LAMB1: variants seen among roughly 807,000 people sequenced by gnomAD.
The protein encoded by LAMB1 is laminin subunit beta-1.
Under a neutral mutation model 222.3 loss-of-function variants are expected in LAMB1, and 121 were observed. The observed-to-expected ratio is 0.54, with a 90% confidence interval of 0.47 to 0.63. LAMB1 has a LOEUF of 0.63. Among genes scored for constraint, LAMB1 ranks in the 30% least tolerant of loss-of-function variants. The pLI, the probability that LAMB1 is intolerant of heterozygous loss-of-function variation, is 0.00. For synonymous variants in LAMB1, 794 were observed against 807.2 expected (o/e 0.98, Z 0.28); for missense variants, 2,172 against 2,240.8 (o/e 0.97, Z 0.62).
At chr7:107,938,720 A>G (rs2032908944) in intron 25 of LAMB1, among the ~76,000 whole-genome samples, 1 of 152,166 alleles carries the variant, frequency 6.6e-6, no homozygotes, top group African/African-American at 2.4e-5. Context: ...CGGCCTGCCA[A>G]AACTGTGATC....
intron 16 of LAMB1, 53 bp from the exon 17 acceptor site, chr7:107,961,382 CA>C (rs1562991037): frequency 6.3e-7 from 1 of 1,595,082 alleles, no homozygotes; most frequent in Non-Finnish European, 8.5e-7. Context: ...TTCATGCATC[CA>C]AAAAATAAAA....
chr7:107,972,879 T>A, intron 13 of LAMB1, 113 bp downstream of exon 13: 1 of 830,882 alleles, frequency 1.2e-6, no homozygotes, highest in Non-Finnish European at 2.1e-6. Context: ...TATCAAGACA[T>A]ACAAAAAATA....
At chr7:107,978,368 G>C (rs2033909174) in intron 8 of LAMB1, among the ~76,000 whole-genome samples, 1 of 150,810 alleles carries the variant, frequency 6.6e-6, no homozygotes, top group Non-Finnish European at 1.5e-5. Flanking sequence ...CTCATCTCTA[G>C]AATGTTCCTA....
At chr7:107,978,190 G>A (rs749418218) in intron 8 of LAMB1, 23 bp from the exon 9 acceptor site, 6 of 1,610,808 alleles carry the variant, frequency 3.7e-6, no homozygotes, top group Non-Finnish European at 5.1e-6. Context: ...AAAAACAGGA[G>A]AGAACAAAGG....
intron 20 of LAMB1, among the ~76,000 whole-genome samples, chr7:107,956,350 C>A (rs2033376229): frequency 6.6e-6 from 1 of 152,248 alleles, no homozygotes; most frequent in Non-Finnish European, 1.5e-5. Flanking sequence ...GCTTCAATCA[C>A]AATCACCTGA....
Position 107,975,028 on chromosome 7 carries a change from G to C in LAMB1, c.1440C>G (p.Tyr480Ter). Residue 480 changes from tyrosine (Y) to a stop codon, truncating the protein, a stop_gained, in exon 12 of 34, where the codon TAC becomes TAG. Coordinates refer to ENST00000222399, the MANE Select transcript of LAMB1 (RefSeq NM_002291.3). LOFTEE classifies it high-confidence loss of function. ...NPCDSETGHC[Y>*]CKRLVTGQHC... ...GCTGTCCTGTCACCAGACGCTTGCA[G>C]TAGCAGTGACCTGTCTCGGAATCAC... is the stretch of plus-strand genomic sequence containing the variant. 1 of 1,612,624 alleles carries C rather than the reference G, an allele frequency of 6.2e-7. No individual in the cohort carries two copies. Among genetic ancestry groups the C allele is most frequent in the African/African-American group, 1.3e-5 (1 of 75,004 alleles).
At chr7:107,964,959 T>C (rs1584512690) in intron 13 of LAMB1, among the ~76,000 whole-genome samples, 1 of 152,336 alleles carries the variant, frequency 6.6e-6, no homozygotes, top group East Asian at 1.9e-4. Flanking sequence ...GTTTTCCACA[T>C]CCCAAACCTT....
intron 3 of LAMB1, among the ~76,000 whole-genome samples, chr7:108,001,304 G>GGTCAGGGCA (rs1376328457): frequency 1.3e-5 from 2 of 152,214 alleles, no homozygotes; most frequent in African/African-American, 4.8e-5. Context: ...GGAGGCTCTG[G>GGTCAGGGCA]GTCAGGGCAG....
At position 107,952,120 on chromosome 7, in the gene LAMB1, G is replaced by A. The variant is rs775721193; in HGVS notation, c.3183C>T (p.Ile1061=). 9 of 1,613,826 alleles carry A rather than the reference G, an allele frequency of 5.6e-6. No homozygotes were observed. The highest frequency in any genetic ancestry group is 5.5e-5 in the South Asian group (5 of 90,998). ...TGQCLCLPNV[I]GQNCDRCAPN... Reference sequence around the variant, plus strand: ...GCGCACAGCGGTCACAGTTCTGCCCGATCACATTAGGAAGACACAAGCACT... The same window carrying A: ...GCGCACAGCGGTCACAGTTCTGCCCAATCACATTAGGAAGACACAAGCACT... The change falls in exon 23 of 34, where the codon ATC becomes ATT. Residue 1061 remains isoleucine (I), a synonymous_variant. Coordinates refer to ENST00000222399, the MANE Select transcript of LAMB1 (RefSeq NM_002291.3).
At position 107,955,724 on chromosome 7, in the gene LAMB1, C is replaced by T. The variant is rs1344242308; in HGVS notation, c.2691-94G>A. On this transcript the variant is annotated intron_variant, in intron 20 of 33. Transcript: ENST00000222399. Reference sequence around the variant, plus strand: ...TTGAAAACTGTTCTGTTTGGGCACACTCTTCTCCACTCCTCATGTTTTCTT... The same window carrying T: ...TTGAAAACTGTTCTGTTTGGGCACATTCTTCTCCACTCCTCATGTTTTCTT... 5 of 1,072,936 alleles carry T rather than the reference C, an allele frequency of 4.7e-6. No individual in the cohort carries two copies. In the African/African-American group the frequency reaches 8.0e-5, roughly 17 times the overall value. 66.5% of individuals were successfully genotyped at this position (1,072,936 alleles called of 1,614,324 possible).
rs140146478 is a variant in LAMB1 at position 107,986,311 on chromosome 7, G to C, written c.476C>G (p.Thr159Ser). The change falls in exon 6 of 34, where the codon ACC becomes AGC. Residue 159 changes from threonine (T) to serine (S), a missense_variant. Thr to Ser is a moderately conservative substitution (Grantham distance 58, BLOSUM62 1). Transcript: ENST00000222399. ...LIERSSDFGK[T>S]WGVYRYFAYD... ...GGCGAAGTATCTATACACACCCCAG[G>C]TTTTCCCAAAGTCGGACGATCGTTC... 2.7e-3 allele frequency: 4,405 copies of C among 1,611,192 alleles called. 10 individuals are homozygous for C. Among genetic ancestry groups the C allele is most frequent in the Non-Finnish European group, 3.1e-3 (3,703 of 1,177,652 alleles).
At chr7:107,995,282 T>C (rs1206652012) in intron 4 of LAMB1, among the ~76,000 whole-genome samples, 2 of 152,170 alleles carry the variant, frequency 1.3e-5, no homozygotes, top group African/African-American at 2.4e-5. Flanking sequence ...AAGTGAAACA[T>C]CTTCCCAACC....
At chr7:107,936,436 G>A (rs909916764) in intron 26 of LAMB1, 7 of 152,184 alleles carry the variant, frequency 4.6e-5, no homozygotes, top group African/African-American at 1.7e-4. Flanking sequence ...GATATGCATA[G>A]GTTATATGCA....
chr7:107,960,214 T>C (rs1232743010), intron 18 of LAMB1, among the ~76,000 whole-genome samples: 1 of 152,212 alleles, frequency 6.6e-6, no homozygotes, highest in Non-Finnish European at 1.5e-5. Context: ...CTCATGGACT[T>C]TTCCCCTGGT....
chr7:107,939,308 TAACA>T (rs1267939500), intron 25 of LAMB1, among the ~76,000 whole-genome samples: 6 of 151,320 alleles, frequency 4.0e-5, no homozygotes, highest in Non-Finnish European at 7.4e-5. Context: ...AGGCTTCCAC[TAACA>T]AACACTGTCC....
chr7:107,942,910 A>G (rs2033025748), intron 24 of LAMB1, among the ~76,000 whole-genome samples: 1 of 152,210 alleles, frequency 6.6e-6, no homozygotes, highest in South Asian at 2.1e-4. Flanking sequence ...TTAATTCCTC[A>G]ACCTTTAGGA....
intron 20 of LAMB1, among the ~76,000 whole-genome samples, chr7:107,958,626 A>G (rs1371004772): frequency 6.6e-6 from 1 of 152,232 alleles, no homozygotes; most frequent in Admixed American, 6.5e-5. Flanking sequence ...AATTAGTAAT[A>G]AACAGTGTAA....
At chr7:107,978,211 T>C in intron 8 of LAMB1, 44 bp from the exon 9 acceptor site, 2 of 1,598,662 alleles carry the variant, frequency 1.3e-6, no homozygotes, top group Non-Finnish European at 1.7e-6. Context: ...AAGAGATGTA[T>C]GAATAGCCAC....
chr7:107,977,315 G>C (rs2033886951), intron 9 of LAMB1, among the ~76,000 whole-genome samples: 1 of 152,126 alleles, frequency 6.6e-6, no homozygotes, highest in Non-Finnish European at 1.5e-5. Flanking sequence ...AGGGGCAGTG[G>C]TGTTGCCGGC....
Sources: allele counts gnomAD v4.1 joint callset (sites outside exome capture counted in the v4.1 genomes callset), GRCh38; gene constraint gnomAD v4.1.1; transcripts MANE v1.5; gene names NCBI Gene and HGNC (gene_info 2026-07-23, HGNC 2026-07-21).